Variants in HSPA2 observed in about 807,000 individuals in gnomAD.
The protein encoded by HSPA2 is heat shock-related 70 kDa protein 2.
A neutral mutation model predicts 35.0 loss-of-function variants in HSPA2; 13 were observed. The ratio of observed to expected loss-of-function variants is 0.37; its 90% confidence interval spans 0.24 to 0.59. The LOEUF (loss-of-function observed/expected upper bound fraction) is 0.59, where lower values mean the gene tolerates loss of function less well. Ranked by LOEUF, HSPA2 falls within the 20% of genes least tolerant of loss-of-function variation. The pLI, the probability that HSPA2 is intolerant of heterozygous loss-of-function variation, is 0.70. For missense variants in HSPA2, 565 were observed against 885.4 expected (o/e 0.64, Z 4.59); for synonymous variants, 368 against 382.1 (o/e 0.96, Z 0.43).
At chr14:64,537,009 C>T (rs2079984768), upstream of HSPA2, among the ~76,000 whole-genome samples, 1 of 152,192 alleles carries the variant, frequency 6.6e-6, no homozygotes, top group South Asian at 2.1e-4. Flanking sequence ...AACTATTCCT[C>T]TGAAGCTCTA....
rs967663422 is a variant in HSPA2, at chr14:64,540,771, T to A, written c.-79T>A. The stretch of plus-strand genomic sequence containing the variant: ...GCTGGTAGTGCCCGTGGTGCTTGGT[T>A]CGAGGTGGCCGTTAGTTGACTCCGC... On this transcript the variant is annotated 5_prime_UTR_variant, in exon 1 of 1. Transcript: ENST00000247207. 2.3e-5 allele frequency: 36 copies of A among 1,568,636 alleles called. 1 individual carries two copies. Among genetic ancestry groups the A allele is most frequent in the Non-Finnish European group, 5.2e-6 (6 of 1,156,820 alleles).
chr14:64,542,319 C>T lies in HSPA2; in HGVS notation c.1470C>T (p.Asn490=). The change falls in exon 1 of 1, where the codon AAC becomes AAT. Residue 490 remains asparagine, a synonymous_variant. Coordinates refer to ENST00000247207, the MANE Select transcript of HSPA2 (RefSeq NM_021979.4). The surrounding 1 kb of genome is among the most constrained non-coding windows in gnomAD (Gnocchi z 5.7). The part of the protein sequence containing the change: ...TFDIDANGIL[N]VTAADKSTGK... ...ACATTGACGCCAATGGCATCCTTAA[C>T]GTTACCGCCGCCGACAAGAGCACCG... 1 of 1,613,992 alleles carries T rather than the reference C, an allele frequency of 6.2e-7. No homozygotes were observed. Among genetic ancestry groups the T allele is most frequent in the Non-Finnish European group, 8.5e-7 (1 of 1,180,006 alleles).
rs370358789 is a variant in HSPA2 at position 64,542,778 on chromosome 14, T to G, written c.*9T>G. ...TCGAAGAAGTGGACTAAGCTTGCAC[T>G]CAAGTCAGCGTAAACCTCTTTGCCT... On this transcript the variant is annotated 3_prime_UTR_variant, in exon 1 of 1. Coordinates refer to ENST00000247207, the MANE Select transcript of HSPA2 (RefSeq NM_021979.4). The surrounding 1 kb of genome is among the most constrained non-coding windows in gnomAD (Gnocchi z 5.7). The G allele has an allele frequency of 8.9e-5, 141 of 1,590,912 alleles. No individual in the cohort carries two copies. The highest frequency in any genetic ancestry group is 5.0e-4 in the Middle Eastern group (3 of 6,054).
In HSPA2 at chr14:64,542,776, A is replaced by T. The variant is rs373282372; in HGVS notation, c.*7A>T. The T allele has an allele frequency of 6.3e-7, 1 of 1,593,192 alleles. No individual in the cohort carries two copies. ...CATCGAAGAAGTGGACTAAGCTTGC[A>T]CTCAAGTCAGCGTAAACCTCTTTGC... On this transcript the variant is annotated 3_prime_UTR_variant, in exon 1 of 1. Coordinates refer to ENST00000247207, the MANE Select transcript of HSPA2 (RefSeq NM_021979.4). This position sits in a 1 kb window ranked among gnomAD's most constrained non-coding sequence, Gnocchi z 5.7.
At chr14:64,536,887 T>TCCCC (rs2079983827), upstream of HSPA2, among the ~76,000 whole-genome samples, 1 of 152,222 alleles carries the variant, frequency 6.6e-6, no homozygotes, top group Admixed American at 6.5e-5. Context: ...AATGTGGGTA[T>TCCCC]AATTGCTACT....
At position 64,542,644 on chromosome 14, in the gene HSPA2, C is replaced by T; in HGVS notation, c.1795C>T (p.Gln599Ter). ...AGAGAAAGATGAGTATGAACACAAG[C>T]AGAAAGAGCTCGAAAGAGTTTGCAA... ...MAEKDEYEHKQKELERVCNPI... is the reference protein window; with the variant it reads ...MAEKDEYEHK Residue 599 changes from glutamine to a stop codon, truncating the protein, a stop_gained, in exon 1 of 1, where the codon CAG becomes TAG. Coordinates refer to ENST00000247207, the MANE Select transcript of HSPA2 (RefSeq NM_021979.4). LOFTEE classifies it high-confidence loss of function. This position sits in a 1 kb window ranked among gnomAD's most constrained non-coding sequence, Gnocchi z 5.7. 1 of 1,613,946 alleles carries T rather than the reference C, an allele frequency of 6.2e-7. No homozygotes were observed. Among genetic ancestry groups the T allele is most frequent in the Non-Finnish European group, 8.5e-7 (1 of 1,180,014 alleles).
rs764651409 is a variant in HSPA2 at position 64,542,752 on chromosome 14, A to G, written c.1903A>G (p.Ile635Val). ...TTCAGGAGCCTCCGGGGGACCCACC[A>G]TCGAAGAAGTGGACTAAGCTTGCAC... is the stretch of plus-strand genomic sequence containing the variant. The part of the protein sequence containing the change: ...GGSGASGGPT[I>V]EEVD The change falls in exon 1 of 1, where the codon ATC (isoleucine) becomes GTC (valine). Residue 635 changes from isoleucine (I) to valine (V), a missense_variant. Physicochemically the swap from Ile to Val is conservative, Grantham distance 29. This residue lies in a region of HSPA2 where 147 missense variants were observed against 166.7 expected (regional missense o/e 0.88). Coordinates refer to ENST00000247207, the MANE Select transcript of HSPA2 (RefSeq NM_021979.4). The surrounding 1 kb of genome is among the most constrained non-coding windows in gnomAD (Gnocchi z 5.7). 4 of 1,608,844 alleles carry G rather than the reference A, an allele frequency of 2.5e-6. No homozygotes were observed. Among genetic ancestry groups the G allele is most frequent in the Non-Finnish European group, 3.4e-6 (4 of 1,177,526 alleles).
chr14:64,541,388 C>T lies in HSPA2; in HGVS notation c.539C>T (p.Ala180Val). The part of the protein sequence containing the change: ...VLRIINEPTA[A>V]AIAYGLDKKG... Reference sequence around the variant, plus strand: ...CGCATCATCAACGAGCCCACGGCGGCGGCCATCGCCTACGGCCTGGACAAG... The same window carrying T: ...CGCATCATCAACGAGCCCACGGCGGTGGCCATCGCCTACGGCCTGGACAAG... Residue 180 changes from alanine to valine, a missense_variant, in exon 1 of 1, where the codon GCG (alanine) becomes GTG (valine). Around this residue, in one of 4 missense-constraint regions of HSPA2, gnomAD observed 183 missense variants for 281.6 expected, o/e 0.65. Coordinates refer to ENST00000247207, the MANE Select transcript of HSPA2 (RefSeq NM_021979.4). 1 of 1,613,710 alleles carries T rather than the reference C, an allele frequency of 6.2e-7. No individual in the cohort carries two copies. The highest frequency in any genetic ancestry group is 8.5e-7 in the Non-Finnish European group (1 of 1,180,018).
chr14:64,539,726 G>A (rs2080008693), upstream of HSPA2, among the ~76,000 whole-genome samples: 1 of 152,090 alleles, frequency 6.6e-6, no homozygotes, highest in Admixed American at 6.5e-5. Flanking sequence ...CAGTCGCCCA[G>A]GCTGGAGTGT....
chr14:64,538,713 G>A (rs2079998818), upstream of HSPA2, among the ~76,000 whole-genome samples: 1 of 152,166 alleles, frequency 6.6e-6, no homozygotes, highest in South Asian at 2.1e-4. Context: ...CTGAAGACCA[G>A]GCCATTTCAT....
At chr14:64,536,626 G>A (rs537273190), upstream of HSPA2, among the ~76,000 whole-genome samples, 3 of 152,282 alleles carry the variant, frequency 2.0e-5, no homozygotes, top group African/African-American at 7.2e-5. Context: ...CGGGCTTGGT[G>A]GTGCATGCCT....
rs1302446310 is a variant in HSPA2, at chr14:64,542,719, G to A, written c.1870G>A (p.Gly624Ser). ...AGGTGGTCCTGGCGGCGGCAGCGGCGGCGGCGGTTCAGGAGCCTCCGGGGG... is the reference window on the plus strand; with the variant it reads ...AGGTGGTCCTGGCGGCGGCAGCGGCAGCGGCGGTTCAGGAGCCTCCGGGGG... ...YQGGPGGGSG[G>S]GGSGASGGPT... Residue 624 changes from glycine to serine, a missense_variant, in exon 1 of 1, where the codon GGC (glycine) becomes AGC (serine). Gly to Ser is a moderately conservative substitution (Grantham distance 56). Coordinates refer to ENST00000247207, the MANE Select transcript of HSPA2 (RefSeq NM_021979.4). The surrounding 1 kb of genome is among the most constrained non-coding windows in gnomAD (Gnocchi z 5.7). The A allele has an allele frequency of 1.9e-6, 3 of 1,613,624 alleles. No individual in the cohort carries two copies. Among genetic ancestry groups the A allele is most frequent in the East Asian group, 4.5e-5 (2 of 44,858 alleles).
upstream of HSPA2, among the ~76,000 whole-genome samples, chr14:64,539,312 T>G (rs1305644179): frequency 1.3e-5 from 2 of 152,050 alleles, no homozygotes; most frequent in African/African-American, 2.4e-5. Context: ...GTCAGAAACA[T>G]GACTAGGTCA....
chr14:64,538,406 G>T (rs2079995614), upstream of HSPA2, among the ~76,000 whole-genome samples: 1 of 152,208 alleles, frequency 6.6e-6, no homozygotes, highest in Non-Finnish European at 1.5e-5. Context: ...CTATCCACCT[G>T]AAGAGCCTAT....
rs777394462 is a variant in HSPA2 at position 64,540,919 on chromosome 14, C to A, written c.70C>A (p.His24Asn). ...TTYSCVGVFQHGKVEIIANDQ... is the reference protein window; with the variant it reads ...TTYSCVGVFQNGKVEIIANDQ... ...CTATTCGTGCGTCGGGGTCTTCCAA[C>A]ATGGCAAGGTGGAGATCATCGCCAA... Residue 24 changes from histidine (H) to asparagine (N), a missense_variant, in exon 1 of 1, where the codon CAT becomes AAT. Around this residue, in one of 4 missense-constraint regions of HSPA2, gnomAD observed 183 missense variants for 281.6 expected, o/e 0.65. Coordinates refer to ENST00000247207, the MANE Select transcript of HSPA2 (RefSeq NM_021979.4). The A allele has an allele frequency of 1.2e-6, 2 of 1,614,186 alleles. No individual in the cohort carries two copies. Among genetic ancestry groups the A allele is most frequent in the Non-Finnish European group, 1.7e-6 (2 of 1,180,048 alleles).
At chr14:64,537,107 C>G (rs1239543461), upstream of HSPA2, among the ~76,000 whole-genome samples, 1 of 152,140 alleles carries the variant, frequency 6.6e-6, no homozygotes, top group South Asian at 2.1e-4. Context: ...TGACTGAATG[C>G]AAGAGATTTA....
chr14:64,541,838 A>G lies in HSPA2; in HGVS notation c.989A>G (p.Asp330Gly). ...AAGGCGCTGCGCGACGCCAAGCTGGACAAGGGCCAGATCCAGGAGATCGTG... is the reference window on the plus strand; with the variant it reads ...AAGGCGCTGCGCGACGCCAAGCTGGGCAAGGGCCAGATCCAGGAGATCGTG... The part of the protein sequence containing the change: ...VEKALRDAKL[D>G]KGQIQEIVLV... Residue 330 changes from aspartate (D) to glycine (G), a missense_variant, in exon 1 of 1, where the codon GAC becomes GGC. Coordinates refer to ENST00000247207, the MANE Select transcript of HSPA2 (RefSeq NM_021979.4). 1 of 1,613,650 alleles carries G rather than the reference A, an allele frequency of 6.2e-7. No homozygotes were observed. The highest frequency in any genetic ancestry group is 2.2e-5 in the East Asian group (1 of 44,860).
At position 64,542,726 on chromosome 14, in the gene HSPA2, G is replaced by GT. The variant is rs757590388; in HGVS notation, c.1879dup (p.Ser627PhefsTer57). The GT allele has an allele frequency of 3.1e-6, 5 of 1,613,106 alleles. No homozygotes were observed. The highest frequency in any genetic ancestry group is 4.2e-6 in the Non-Finnish European group (5 of 1,179,662). On this transcript the variant is annotated frameshift_variant, in exon 1 of 1. Coordinates refer to ENST00000247207, the MANE Select transcript of HSPA2 (RefSeq NM_021979.4). LOFTEE classifies it high-confidence loss of function. This position sits in a 1 kb window ranked among gnomAD's most constrained non-coding sequence, Gnocchi z 5.7. ...CCTGGCGGCGGCAGCGGCGGCGGCG[G>GT]TTCAGGAGCCTCCGGGGGACCCACC...
In HSPA2 at chr14:64,543,077, A is replaced by G; in HGVS notation, c.*308A>G. On this transcript the variant is annotated 3_prime_UTR_variant, in exon 1 of 1. Transcript: ENST00000247207. ...CCTTAAGTTTGCACACCTGTTCTGTAGAAGCTTGGAAACAGTAAAATATAT... is the reference window on the plus strand; with the variant it reads ...CCTTAAGTTTGCACACCTGTTCTGTGGAAGCTTGGAAACAGTAAAATATAT... The G allele has an allele frequency of 2.2e-6, 1 of 450,444 alleles. No homozygotes were observed. The allele number at this position is 450,444 out of a possible 1,614,324, so 27.9% of individuals were successfully genotyped here. A position where few individuals can be genotyped will look rare whatever the true frequency, so the allele number is the denominator to read the frequency against.
Sources: allele counts gnomAD v4.1 joint callset (sites outside exome capture counted in the v4.1 genomes callset), GRCh38; gene constraint gnomAD v4.1.1; regional missense constraint gnomAD v4.1.1; non-coding constraint Gnocchi (gnomAD v3.1); transcripts MANE v1.5; gene names NCBI Gene and HGNC (gene_info 2026-07-23, HGNC 2026-07-21).